The following POPDC2 variants were observed in gnomAD, a reference collection of about 807,000 sequenced individuals.
POPDC2 encodes the protein popeye domain-containing protein 2.
Under a neutral mutation model 30.5 loss-of-function variants are expected in POPDC2, and 24 were observed. That is an observed-to-expected ratio of 0.79 (90% CI 0.57 to 1.11). The LOEUF (loss-of-function observed/expected upper bound fraction) is 1.11, where lower values mean the gene tolerates loss of function less well. Among genes scored for constraint, POPDC2 ranks in the 50% least tolerant of loss-of-function variants. The probability of loss-of-function intolerance (pLI) is 0.00; values close to 1 mark genes in which losing one functional copy is unlikely to be tolerated. For missense variants in POPDC2, 409 were observed against 447.0 expected (o/e 0.91, Z 0.77); for synonymous variants, 185 against 183.3 (o/e 1.01, Z -0.07).
At chr3:119,643,494 T>C (rs921115634) in intron 3 of POPDC2, 6 of 1,225,768 alleles carry the variant, frequency 4.9e-6, no homozygotes, top group Admixed American at 4.0e-5. Flanking sequence ...TGCTAAACAA[T>C]TGTACATACA....
chr3:119,648,719 C>T, intron 2 of POPDC2, 51 bp from the exon 3 acceptor site: 1 of 1,480,604 alleles, frequency 6.8e-7, no homozygotes, highest in Non-Finnish European at 9.2e-7. Context: ...AAAATTTGTC[C>T]ATGCTGAGCA....
chr3:119,653,021 TG>T (rs2052830051), intron 2 of POPDC2, among the ~76,000 whole-genome samples: 1 of 17,358 alleles, frequency 5.8e-5, no homozygotes, highest in Non-Finnish European at 2.4e-4. Context: ...CTTAAAAGGG[TG>T]AGTGAGTGTG....
At chr3:119,657,400 A>G (rs2052891660) in intron 1 of POPDC2, among the ~76,000 whole-genome samples, 1 of 152,192 alleles carries the variant, frequency 6.6e-6, no homozygotes, top group Non-Finnish European at 1.5e-5. Context: ...TAAAAAAACA[A>G]TTGCACCTAT....
intron 1 of POPDC2, among the ~76,000 whole-genome samples, chr3:119,654,901 A>C (rs2052862328): frequency 6.6e-6 from 1 of 152,202 alleles, no homozygotes; most frequent in Non-Finnish European, 1.5e-5. Context: ...CTTTTAAAAA[A>C]AAGCACCTAG....
intron 3 of POPDC2, 120 bp downstream of exon 3, chr3:119,647,999 G>T: frequency 1.2e-6 from 1 of 807,138 alleles, no homozygotes; most frequent in Non-Finnish European, 1.8e-6. Flanking sequence ...TTGGGTTAAT[G>T]CCACTTTCTG....
At chr3:119,656,684 C>A (rs1292677872) in intron 1 of POPDC2, among the ~76,000 whole-genome samples, 1 of 152,166 alleles carries the variant, frequency 6.6e-6, no homozygotes, top group Non-Finnish European at 1.5e-5. Flanking sequence ...CCCAACCCGA[C>A]CCCTGCCCAG....
At chr3:119,645,439 A>G (rs889327008) in intron 3 of POPDC2, among the ~76,000 whole-genome samples, 3 of 152,006 alleles carry the variant, frequency 2.0e-5, no homozygotes, top group Non-Finnish European at 2.9e-5. Context: ...GCGGGCGCCT[A>G]TAGTCCCAGC....
At chr3:119,642,894 T>C (rs1475482177) in intron 3 of POPDC2, among the ~76,000 whole-genome samples, 1 of 152,226 alleles carries the variant, frequency 6.6e-6, no homozygotes, top group Non-Finnish European at 1.5e-5. Context: ...CTGTATTGAA[T>C]AATGGTAAGT....
intron 1 of POPDC2, among the ~76,000 whole-genome samples, chr3:119,658,975 T>A (rs1051435012): frequency 2.0e-5 from 3 of 151,096 alleles, no homozygotes; most frequent in African/African-American, 7.3e-5. Flanking sequence ...ACCTTTTCTA[T>A]CACATTCTCC....
At chr3:119,657,912 G>A (rs916843092) in intron 1 of POPDC2, among the ~76,000 whole-genome samples, 45 of 152,218 alleles carry the variant, frequency 3.0e-4, no homozygotes, top group Admixed American at 2.9e-3. Context: ...TGAGAGAAAC[G>A]TCTAAGTTAA....
At chr3:119,644,370 G>A (rs780648907) in intron 3 of POPDC2, among the ~76,000 whole-genome samples, 112 of 152,298 alleles carry the variant, frequency 7.4e-4, no homozygotes, top group Non-Finnish European at 1.4e-3. Context: ...AGCATCTCCT[G>A]TAATAAGACA....
At chr3:119,656,645 T>C (rs768675130) in intron 1 of POPDC2, among the ~76,000 whole-genome samples, 2 of 152,138 alleles carry the variant, frequency 1.3e-5, no homozygotes, top group Non-Finnish European at 2.9e-5. Context: ...TGGAAGAAGA[T>C]TAGAATCCAG....
At chr3:119,658,849 T>C (rs1276260334) in intron 1 of POPDC2, among the ~76,000 whole-genome samples, 1 of 152,150 alleles carries the variant, frequency 6.6e-6, no homozygotes, top group East Asian at 1.9e-4. Context: ...GTGGTAGTTG[T>C]AGTACCATTA....
At chr3:119,646,461 T>C (rs1011800836) in intron 3 of POPDC2, among the ~76,000 whole-genome samples, 12 of 151,910 alleles carry the variant, frequency 7.9e-5, no homozygotes, top group Admixed American at 6.6e-5. Flanking sequence ...GGAGAGTTTG[T>C]CTCTACAAAA....
At chr3:119,644,518 C>T (rs563518244) in intron 3 of POPDC2, among the ~76,000 whole-genome samples, 106 of 152,306 alleles carry the variant, frequency 7.0e-4, no homozygotes, top group African/African-American at 2.5e-3. Flanking sequence ...TTAAGAGAAG[C>T]AGCACCCATT....
chr3:119,644,071 A>T lies in POPDC2; in HGVS notation c.*44-1510T>A, dbSNP rs2052718618. ...ACCATGCCTAAAATATATAGTAAAT[A>T]GTGTTTATTGAATCGTTTCTCTTGC... On this transcript the variant is annotated intron_variant, in intron 3 of 3. Transcript: ENST00000493094. Among the ~76,000 whole-genome samples the T allele has an allele frequency of 3.2e-5, 3 of 94,036 alleles. No homozygotes were observed. The South Asian group carries it at 1.5e-3, about 46-fold the overall frequency. 61.7% of individuals were successfully genotyped at this position (94,036 alleles called of 152,430 possible).
At chr3:119,642,933 C>A (rs192615947) in intron 3 of POPDC2, among the ~76,000 whole-genome samples, 2 of 152,246 alleles carry the variant, frequency 1.3e-5, no homozygotes, top group Admixed American at 1.3e-4. Flanking sequence ...TTCATTTTTA[C>A]AGAAAGATGG....
intron 2 of POPDC2, among the ~76,000 whole-genome samples, chr3:119,651,847 G>A (rs910952810): frequency 6.6e-6 from 1 of 152,238 alleles, no homozygotes; most frequent in East Asian, 1.9e-4. Context: ...TGTTGGCCAG[G>A]CTGGTCTCAA....
At position 119,660,057 on chromosome 3, in the gene POPDC2, G is replaced by A. The variant is rs2052923900; in HGVS notation, c.367C>T (p.Leu123=). 1 of 1,614,210 alleles carries A rather than the reference G, an allele frequency of 6.2e-7. No homozygotes were observed. Residue 123 remains leucine, a synonymous_variant, in exon 1 of 4, where the codon CTA becomes TTA. Transcript: ENST00000493094. ...TGAACAATCTCCTTGTATGTCTGTA[G>A]GGGCACCTGCAAGGGCAGGCACAGC... ...KTLCLPLQVP[L]QTYKEIVHCC... is the part of the protein sequence containing the mutation.
Sources: allele counts gnomAD v4.1 joint callset (sites outside exome capture counted in the v4.1 genomes callset), GRCh38; gene constraint gnomAD v4.1.1; transcripts MANE v1.5; gene names NCBI Gene and HGNC (gene_info 2026-07-23, HGNC 2026-07-21).